Variants in KLHL20 observed in about 807,000 individuals in gnomAD.
The protein encoded by KLHL20 is kelch-like protein 20.
Under a neutral mutation model 69.5 loss-of-function variants are expected in KLHL20, and 29 were observed. The ratio of observed to expected loss-of-function variants is 0.42; its 90% confidence interval spans 0.31 to 0.57. The LOEUF (loss-of-function observed/expected upper bound fraction) is 0.57, where lower values mean the gene tolerates loss of function less well. Ranked by LOEUF, KLHL20 falls within the 20% of genes least tolerant of loss-of-function variation. The pLI, the probability that KLHL20 is intolerant of heterozygous loss-of-function variation, is 0.18. For synonymous variants in KLHL20, 253 were observed against 265.2 expected (o/e 0.95, Z 0.45); for missense variants, 419 against 776.0 (o/e 0.54, Z 5.47).
chr1:173,755,419 G>A (rs753066242), intron 5 of KLHL20, among the ~76,000 whole-genome samples: 10 of 152,042 alleles, frequency 6.6e-5, no homozygotes, highest in Non-Finnish European at 1.0e-4. Context: ...AATATGTCTC[G>A]GTAGACTTGT....
At chr1:173,750,269 T>A (rs1347087529) in intron 3 of KLHL20, among the ~76,000 whole-genome samples, 2 of 152,198 alleles carry the variant, frequency 1.3e-5, no homozygotes. Flanking sequence ...GTTTTGAGAT[T>A]TGTATTTTTT....
intron 8 of KLHL20, among the ~76,000 whole-genome samples, chr1:173,774,013 C>CAAAAA (rs34034171): frequency 9.2e-6 from 1 of 108,130 alleles, no homozygotes; most frequent in East Asian, 2.5e-4. Context: ...GACTCCATCT[C>CAAAAA]AAAAAAAAAA....
At chr1:173,731,676 A>G (rs954966280) in intron 2 of KLHL20, among the ~76,000 whole-genome samples, 4 of 142,098 alleles carry the variant, frequency 2.8e-5, no homozygotes, top group South Asian at 2.4e-4. Context: ...ATGAGAATAC[A>G]TGAATACAGG....
intron 2 of KLHL20, among the ~76,000 whole-genome samples, chr1:173,717,627 A>T (rs1281258995): frequency 1.3e-5 from 2 of 152,148 alleles, no homozygotes; most frequent in East Asian, 3.8e-4. Flanking sequence ...GTAACTTTTT[A>T]TATTGAGACT....
At chr1:173,722,756 C>G (rs1671772002) in intron 2 of KLHL20, among the ~76,000 whole-genome samples, 1 of 146,090 alleles carries the variant, frequency 6.8e-6, no homozygotes, top group Non-Finnish European at 1.5e-5. Context: ...GTGGCACAAT[C>G]TTGGTTCACC....
In KLHL20 at chr1:173,721,785, G is replaced by A. The variant is rs115278292; in HGVS notation, c.23+5719G>A. On this transcript the variant is annotated intron_variant, in intron 2 of 11. Transcript: ENST00000209884. ...TGCCTATTGGGACCCCTTCTACTAA[G>A]TAGAAGTGACACTTTGAGATGTTAT... Among the ~76,000 whole-genome samples the A allele has an allele frequency of 1.2e-3, 186 of 152,300 alleles. 1 individual carries two copies. The highest frequency in any genetic ancestry group is 3.5e-3 in the African/African-American group (147 of 41,570).
chr1:173,769,850 C>T (rs760751422), intron 8 of KLHL20, among the ~76,000 whole-genome samples: 2 of 151,212 alleles, frequency 1.3e-5, no homozygotes, highest in Non-Finnish European at 2.9e-5. Flanking sequence ...CATTGCATGC[C>T]TATATCAAAA....
intron 2 of KLHL20, among the ~76,000 whole-genome samples, chr1:173,724,802 C>T (rs1008280806): frequency 5.9e-5 from 9 of 151,768 alleles, no homozygotes; most frequent in African/African-American, 9.7e-5. Flanking sequence ...AAGACCCTGT[C>T]GCAAAGAAAA....
At chr1:173,752,275 G>A (rs761675277) in intron 4 of KLHL20, among the ~76,000 whole-genome samples, 9 of 151,094 alleles carry the variant, frequency 6.0e-5, no homozygotes, top group Non-Finnish European at 1.2e-4. Context: ...GAGATAATAC[G>A]TATTTGTCTT....
chr1:173,756,382 T>C (rs1416495171), intron 6 of KLHL20, among the ~76,000 whole-genome samples: 1 of 146,694 alleles, frequency 6.8e-6, no homozygotes, highest in Non-Finnish European at 1.5e-5. Flanking sequence ...AGAAAAACAA[T>C]TGGCTGAGTG....
intron 7 of KLHL20, 29 bp downstream of exon 7, chr1:173,757,188 T>G (rs552783236): frequency 6.5e-7 from 1 of 1,549,584 alleles, no homozygotes; most frequent in Admixed American, 1.8e-5. Flanking sequence ...TAATTTTCTC[T>G]CTACTATTCA....
chr1:173,766,502 C>T (rs1360792655), intron 8 of KLHL20, among the ~76,000 whole-genome samples: 2 of 150,372 alleles, frequency 1.3e-5, no homozygotes, highest in African/African-American at 2.4e-5. Context: ...AAAAATTAGC[C>T]GGGCGTGGTG....
intron 3 of KLHL20, among the ~76,000 whole-genome samples, chr1:173,737,877 A>G (rs886339990): frequency 1.3e-5 from 2 of 151,490 alleles, no homozygotes; most frequent in African/African-American, 2.4e-5. Context: ...TGTGTCATCT[A>G]TGATTTCTTT....
chr1:173,753,732 A>G (rs867317972), intron 5 of KLHL20, among the ~76,000 whole-genome samples: 8 of 152,266 alleles, frequency 5.3e-5, no homozygotes, highest in Middle Eastern at 3.4e-3. Flanking sequence ...AATTGTGGAC[A>G]GAGTTGAAGA....
chr1:173,763,882 A>G (rs1193558517), intron 7 of KLHL20, among the ~76,000 whole-genome samples: 1 of 151,530 alleles, frequency 6.6e-6, no homozygotes, highest in Non-Finnish European at 1.5e-5. Context: ...AAAAAAAAAA[A>G]CAGCTGGGAC....
intron 2 of KLHL20, among the ~76,000 whole-genome samples, chr1:173,728,780 A>G (rs1416897079): frequency 1.3e-5 from 2 of 152,046 alleles, no homozygotes; most frequent in Non-Finnish European, 2.9e-5. Flanking sequence ...AATGCCCAGA[A>G]GAGAAAGCAG....
chr1:173,779,292 G>GTT (rs1179114302), intron 10 of KLHL20, among the ~76,000 whole-genome samples: 1 of 149,898 alleles, frequency 6.7e-6, no homozygotes, highest in Non-Finnish European at 1.5e-5. Flanking sequence ...ATCTCATGTA[G>GTT]TTGAAAAATT....
At chr1:173,726,081 G>A (rs539454038) in intron 2 of KLHL20, among the ~76,000 whole-genome samples, 5 of 152,194 alleles carry the variant, frequency 3.3e-5, no homozygotes, top group South Asian at 2.1e-4. Flanking sequence ...CTTAGCAAAC[G>A]GCACGCCAGG....
chr1:173,750,124 T>C (rs2102496009), intron 3 of KLHL20, among the ~76,000 whole-genome samples: 1 of 152,196 alleles, frequency 6.6e-6, no homozygotes, highest in South Asian at 2.1e-4. Context: ...TCAGCTAAAA[T>C]TTAAAGGGTA....
Sources: allele counts gnomAD v4.1 joint callset (sites outside exome capture counted in the v4.1 genomes callset), GRCh38; gene constraint gnomAD v4.1.1; transcripts MANE v1.5; gene names NCBI Gene and HGNC (gene_info 2026-07-23, HGNC 2026-07-21).